Variants in PEX14 observed in about 807,000 individuals in gnomAD.
PEX14 encodes peroxisomal membrane protein PEX14.
In PEX14, 15 loss-of-function variants were observed where a neutral mutation model predicts 49.5. The observed-to-expected ratio is 0.30, with a 90% confidence interval of 0.20 to 0.47. The LOEUF (loss-of-function observed/expected upper bound fraction) is 0.47. PEX14 is among the 20% of genes least tolerant of loss of function. The probability of loss-of-function intolerance (pLI) is 1.00; values close to 1 mark genes in which losing one functional copy is unlikely to be tolerated. For missense variants in PEX14, 398 were observed against 494.8 expected (o/e 0.80, Z 1.86); for synonymous variants, 210 against 212.7 (o/e 0.99, Z 0.11).
intron 1 of PEX14, among the ~76,000 whole-genome samples, chr1:10,481,973 C>T (rs1203778085): frequency 6.6e-6 from 1 of 151,424 alleles, no homozygotes; most frequent in Non-Finnish European, 1.5e-5. Flanking sequence ...AGGCGCATGC[C>T]ACCACACCTG....
chr1:10,496,620 G>A (rs1267839712), intron 2 of PEX14, among the ~76,000 whole-genome samples: 1 of 152,048 alleles, frequency 6.6e-6, no homozygotes, highest in East Asian at 1.9e-4. Context: ...CATCTTTTGG[G>A]GCTTGATTCG....
chr1:10,498,449 T>A (rs1378869399), intron 2 of PEX14, among the ~76,000 whole-genome samples: 1 of 152,230 alleles, frequency 6.6e-6, no homozygotes, highest in Admixed American at 6.5e-5. Context: ...GAAGACTTGA[T>A]TTTCAGTTCT....
intron 3 of PEX14, among the ~76,000 whole-genome samples, chr1:10,557,180 T>C (rs1187360919): frequency 1.3e-5 from 2 of 152,222 alleles, no homozygotes; most frequent in East Asian, 3.8e-4. Context: ...TGCCATAATT[T>C]ATTGTAACCC....
At chr1:10,543,356 G>C (rs759764419) in intron 3 of PEX14, among the ~76,000 whole-genome samples, 17 of 152,026 alleles carry the variant, frequency 1.1e-4, no homozygotes, top group Non-Finnish European at 2.1e-4. Flanking sequence ...GGCTGGTCTT[G>C]AACTCCTGAT....
At chr1:10,570,867 A>C (rs1400327293) in intron 3 of PEX14, among the ~76,000 whole-genome samples, 1 of 23,464 alleles carries the variant, frequency 4.3e-5, no homozygotes, top group Non-Finnish European at 1.4e-4. Context: ...TTTTTTTTTG[A>C]GATGGTATCT....
intron 1 of PEX14, among the ~76,000 whole-genome samples, chr1:10,476,255 G>A (rs935040479): frequency 6.6e-6 from 1 of 152,200 alleles, no homozygotes; most frequent in African/African-American, 2.4e-5. Context: ...TCTATTAGCA[G>A]TGTGAATGAT....
chr1:10,486,080 C>T (rs1266019256), intron 1 of PEX14, among the ~76,000 whole-genome samples: 1 of 151,924 alleles, frequency 6.6e-6, no homozygotes. Flanking sequence ...TTTGTACATT[C>T]CTTGTGATTT....
At chr1:10,527,278 G>A (rs1638515393) in intron 2 of PEX14, among the ~76,000 whole-genome samples, 1 of 147,330 alleles carries the variant, frequency 6.8e-6, no homozygotes, top group Non-Finnish European at 1.5e-5. Context: ...CCACACTTTG[G>A]GAGGCCGAAA....
chr1:10,625,036 G>C (rs1173112459), intron 7 of PEX14, among the ~76,000 whole-genome samples: 1 of 152,170 alleles, frequency 6.6e-6, no homozygotes, highest in African/African-American at 2.4e-5. Context: ...GCTGAATCCT[G>C]GTCCTGCCAC....
intron 2 of PEX14, among the ~76,000 whole-genome samples, chr1:10,518,920 G>A (rs987360357): frequency 2.6e-5 from 4 of 152,120 alleles, no homozygotes; most frequent in African/African-American, 7.2e-5. Context: ...CGTTATGTCC[G>A]TTTTGTCCTC....
chr1:10,589,383 CCCCAA>C (rs1640591964), intron 3 of PEX14, among the ~76,000 whole-genome samples: 1 of 152,142 alleles, frequency 6.6e-6, no homozygotes, highest in Admixed American at 6.5e-5. Context: ...CCCATCCCCA[CCCCAA>C]CCGGGTGTAG....
chr1:10,593,810 C>T (rs879527442), intron 3 of PEX14, among the ~76,000 whole-genome samples: 1 of 152,136 alleles, frequency 6.6e-6, no homozygotes, highest in African/African-American at 2.4e-5. Context: ...ACAATAGAAG[C>T]CGTTGGCTTA....
At chr1:10,563,804 C>T (rs373764651) in intron 3 of PEX14, among the ~76,000 whole-genome samples, 112 of 151,734 alleles carry the variant, frequency 7.4e-4, no homozygotes, top group African/African-American at 2.3e-3. Flanking sequence ...TCCAGCTACT[C>T]GGGAGGCTGA....
At chr1:10,583,821 G>A (rs1640401748) in intron 3 of PEX14, among the ~76,000 whole-genome samples, 1 of 152,104 alleles carries the variant, frequency 6.6e-6, no homozygotes, top group East Asian at 1.9e-4. Flanking sequence ...TTCAGGAAAA[G>A]GGAATGACCG....
At chr1:10,549,394 A>G (rs1387404419) in intron 3 of PEX14, among the ~76,000 whole-genome samples, 1 of 152,220 alleles carries the variant, frequency 6.6e-6, no homozygotes, top group Non-Finnish European at 1.5e-5. Context: ...TGGCCGAAAG[A>G]ACACAGGTCG....
At chr1:10,573,640 C>G (rs1160467654) in intron 3 of PEX14, among the ~76,000 whole-genome samples, 1 of 152,162 alleles carries the variant, frequency 6.6e-6, no homozygotes, top group Non-Finnish European at 1.5e-5. Flanking sequence ...AACCCTCATG[C>G]ATTGATGATG....
intron 3 of PEX14, among the ~76,000 whole-genome samples, chr1:10,537,341 A>ACCACCCC (rs796854134): frequency 1.4e-4 from 4 of 28,448 alleles, no homozygotes; most frequent in African/African-American, 5.6e-4. Context: ...TTGTGCCAGC[A>ACCACCCC]CCCCCCCCCC....
intron 3 of PEX14, among the ~76,000 whole-genome samples, chr1:10,542,564 A>G (rs1276442791): frequency 6.6e-6 from 1 of 152,222 alleles, no homozygotes; most frequent in Non-Finnish European, 1.5e-5. Context: ...AATTGAGACC[A>G]TCCTAGCTAA....
At chr1:10,627,944 A>AT (rs1162052681) in intron 8 of PEX14, among the ~76,000 whole-genome samples, 35 of 150,582 alleles carry the variant, frequency 2.3e-4, no homozygotes, top group South Asian at 1.1e-3. Context: ...TTTTATTTTT[A>AT]TTTTTTTTTG....
Sources: gnomAD v4.1 joint callset for allele counts (sites outside exome capture counted in the v4.1 genomes callset) on GRCh38, gnomAD v4.1.1 for gene constraint, MANE v1.5 for transcripts, NCBI Gene and HGNC (gene_info 2026-07-23, HGNC 2026-07-21) for gene names.